The following HSPH1 variants were observed in gnomAD, a reference collection of about 807,000 sequenced individuals.
HSPH1 encodes heat shock protein family H (Hsp110) member 1.
A neutral mutation model predicts 100.0 loss-of-function variants in HSPH1; 40 were observed. The observed-to-expected ratio is 0.40, with a 90% CI of 0.31 to 0.52. HSPH1 has a LOEUF of 0.52. HSPH1 is among the 20% of genes least tolerant of loss of function. The pLI, the probability that HSPH1 is intolerant of heterozygous loss-of-function variation, is 0.54. For synonymous variants in HSPH1, 403 were observed against 344.0 expected (o/e 1.17, Z -1.90); for missense variants, 876 against 1,015.1 (o/e 0.86, Z 1.86).
Position 31,135,142 on chromosome 13 carries a change from G to A in HSPH1, c.*2176C>T, listed in dbSNP as rs748242900. The A allele has an allele frequency of 1.1e-4, 17 of 152,178 alleles. No homozygotes were observed. The highest frequency in any genetic ancestry group is 7.2e-4 in the Admixed American group (11 of 15,280). 9.4% of individuals were successfully genotyped at this position (152,178 alleles called of 1,614,324 possible). On this transcript the variant is annotated 3_prime_UTR_variant, in exon 18 of 18. Coordinates refer to ENST00000320027, the MANE Select transcript of HSPH1 (RefSeq NM_006644.4). ...CTGTTTGAGCCAATGATATTAATACGTTATTATAAAGTAATCAACATGACA... is the reference window on the plus strand; with the variant it reads ...CTGTTTGAGCCAATGATATTAATACATTATTATAAAGTAATCAACATGACA...
At chr13:31,142,629 C>T (rs539356797) in intron 12 of HSPH1, among the ~76,000 whole-genome samples, 2 of 152,204 alleles carry the variant, frequency 1.3e-5, no homozygotes, top group South Asian at 4.1e-4. Context: ...ACTGACAAAA[C>T]CAGCATCACA....
rs1327868152 is a variant in HSPH1, at chr13:31,140,226, T to C, written c.1938A>G (p.Arg646=). Residue 646 remains arginine (R), a synonymous_variant, in exon 14 of 18, where the codon AGA becomes AGG. Coordinates refer to ENST00000320027, the MANE Select transcript of HSPH1 (RefSeq NM_006644.4). ...TTTCATATGGTCCACACAGCTTGTCTCTGAACTCATACACATATTCCTCAA... is the reference window on the plus strand; with the variant it reads ...TTTCATATGGTCCACACAGCTTGTCCCTGAACTCATACACATATTCCTCAA... ...NAVEEYVYEF[R]DKLCGPYEKF... is the part of the protein sequence containing the mutation. The C allele has an allele frequency of 6.2e-7, 1 of 1,612,136 alleles. No individual in the cohort carries two copies. Among genetic ancestry groups the C allele is most frequent in the South Asian group, 1.1e-5 (1 of 90,998 alleles).
intron 1 of HSPH1, among the ~76,000 whole-genome samples, chr13:31,160,855 G>A (rs1158972195): frequency 6.6e-6 from 1 of 152,210 alleles, no homozygotes; most frequent in African/African-American, 2.4e-5. Flanking sequence ...GCAACGAAGA[G>A]ACTGGGTAAA....
intron 4 of HSPH1, 52 bp downstream of exon 4, chr13:31,154,581 C>CGCA: frequency 3.7e-6 from 6 of 1,607,750 alleles, no homozygotes; most frequent in Non-Finnish European, 5.1e-6. Flanking sequence ...AAAAGTAATA[C>CGCA]AAAGAACGCA....
At chr13:31,151,878 T>C (rs1956500854) in intron 5 of HSPH1, 136 bp from the exon 6 acceptor site, 1 of 650,446 alleles carries the variant, frequency 1.5e-6, no homozygotes, top group Non-Finnish European at 2.6e-6. Context: ...ATTCCTTTTA[T>C]ACCTGACTTC....
upstream of HSPH1, chr13:31,161,946 G>C (rs755633654): frequency 1.0e-5 from 16 of 1,535,682 alleles, no homozygotes; most frequent in Non-Finnish European, 1.3e-5. Context: ...GTATCGCACT[G>C]ATCAGAACTT....
At chr13:31,144,593 A>C (rs182512553) in intron 11 of HSPH1, among the ~76,000 whole-genome samples, 73 of 152,260 alleles carry the variant, frequency 4.8e-4, no homozygotes, top group African/African-American at 1.7e-3. Flanking sequence ...AATCCCTAAT[A>C]TATTAGTGCT....
At chr13:31,156,251 G>A (rs1214089149) in intron 2 of HSPH1, among the ~76,000 whole-genome samples, 5 of 152,116 alleles carry the variant, frequency 3.3e-5, no homozygotes, top group South Asian at 2.1e-4. Context: ...TTAGCCGGGC[G>A]TGGTTGCGGG....
chr13:31,143,287 C>T (rs888985680), intron 12 of HSPH1, among the ~76,000 whole-genome samples: 1 of 152,088 alleles, frequency 6.6e-6, no homozygotes, highest in Non-Finnish European at 1.5e-5. Context: ...CCAATACCTA[C>T]TGTGGAAGCA....
At chr13:31,148,278 TAG>T in intron 9 of HSPH1, 94 bp downstream of exon 9, 1 of 1,000,748 alleles carries the variant, frequency 1.0e-6, no homozygotes. Context: ...TAATGACTAC[TAG>T]AGAAGTCATT....
chr13:31,153,478 T>C (rs570487094), intron 4 of HSPH1, among the ~76,000 whole-genome samples: 5 of 152,280 alleles, frequency 3.3e-5, no homozygotes, highest in South Asian at 4.2e-4. Context: ...GATTACAAAA[T>C]CACTTTTTGG....
At chr13:31,156,026 TTG>T (rs1443452179) in intron 2 of HSPH1, among the ~76,000 whole-genome samples, 4 of 152,212 alleles carry the variant, frequency 2.6e-5, no homozygotes, top group Admixed American at 6.5e-5. Context: ...CCTGCTAAAC[TTG>T]TGAGGTTTTA....
chr13:31,152,768 C>A (rs1956532419), intron 5 of HSPH1, 84 bp downstream of exon 5: 4 of 939,922 alleles, frequency 4.3e-6, no homozygotes, highest in South Asian at 1.3e-5. Context: ...GGCTGTGTTT[C>A]TGTATCTATA....
At chr13:31,152,722 G>GA in intron 5 of HSPH1, 130 bp downstream of exon 5, 1 of 633,458 alleles carries the variant, frequency 1.6e-6, no homozygotes, top group Non-Finnish European at 2.8e-6. Flanking sequence ...TTAAGAGGTA[G>GA]ACTTTTGTTT....
intron 5 of HSPH1, 122 bp from the exon 6 acceptor site, chr13:31,151,864 T>A (rs1956500221): frequency 2.7e-6 from 2 of 730,728 alleles, no homozygotes; most frequent in Non-Finnish European, 4.4e-6. Context: ...GGTGAACACA[T>A]TACATTCCTT....
At chr13:31,154,848 A>G in intron 3 of HSPH1, 93 bp from the exon 4 acceptor site, 3 of 1,054,248 alleles carry the variant, frequency 2.8e-6, no homozygotes, top group Non-Finnish European at 4.1e-6. Flanking sequence ...ATTCCCTTCC[A>G]CAAAATCTTT....
intron 6 of HSPH1, 42 bp downstream of exon 6, chr13:31,151,567 C>G (rs1156359794): frequency 9.5e-6 from 15 of 1,576,404 alleles, no homozygotes; most frequent in Admixed American, 1.9e-5. Context: ...AGTCACAACA[C>G]TTAACGTGTT....
chr13:31,140,291 C>T lies in HSPH1; in HGVS notation c.1873G>A (p.Asp625Asn). ...IETEGKMIMQ[D>N]KLEKERNDAK... ...TCATTCCTTTCTTTTTCCAATTTAT[C>T]TTGCATTATCATCTTACCCTGTCAG... Residue 625 changes from aspartate to asparagine, a missense_variant, in exon 14 of 18, where the codon GAT (aspartate) becomes AAT (asparagine). Physicochemically the swap from Asp to Asn is conservative, Grantham distance 23 (BLOSUM62 1). Coordinates refer to ENST00000320027, the MANE Select transcript of HSPH1 (RefSeq NM_006644.4). 2 of 1,610,050 alleles carry T rather than the reference C, an allele frequency of 1.2e-6. No individual in the cohort carries two copies. Among genetic ancestry groups the T allele is most frequent in the Non-Finnish European group, 1.7e-6 (2 of 1,178,220 alleles).
intron 4 of HSPH1, 22 bp from the exon 5 acceptor site, chr13:31,152,973 T>C: frequency 6.6e-7 from 1 of 1,509,312 alleles, no homozygotes; most frequent in Non-Finnish European, 9.2e-7. Context: ...CAAAAAATTT[T>C]GAATTATCTA....
Sources: allele counts gnomAD v4.1 joint callset (sites outside exome capture counted in the v4.1 genomes callset), GRCh38; gene constraint gnomAD v4.1.1; transcripts MANE v1.5; gene names NCBI Gene and HGNC (gene_info 2026-07-23, HGNC 2026-07-21).